SNTG1: variants seen among roughly 807,000 people sequenced by gnomAD.
SNTG1 encodes syntrophin gamma 1, also known as gamma-1-syntrophin.
In SNTG1, 39 loss-of-function variants were observed where a neutral mutation model predicts 74.7. That is an observed-to-expected ratio of 0.52 (90% CI 0.40 to 0.68). The LOEUF (loss-of-function observed/expected upper bound fraction) is 0.68. SNTG1 is among the 30% of genes least tolerant of loss of function. SNTG1 has a pLI of 0.00. For missense variants in SNTG1, 685 were observed against 609.5 expected, an observed-to-expected ratio of 1.12 and a Z score of -1.30; for synonymous variants, 254 against 217.1, an observed-to-expected ratio of 1.17 and a Z score of -1.49.
intron 2 of SNTG1, among the ~76,000 whole-genome samples, chr8:50,262,815 T>C (rs2087262957): frequency 6.6e-6 from 1 of 151,962 alleles, no homozygotes; most frequent in African/African-American, 2.4e-5. Context: ...TAAATCCAAA[T>C]TACTAAGTGA....
At chr8:50,681,165 C>A (rs905139700) in intron 15 of SNTG1, among the ~76,000 whole-genome samples, 1 of 151,736 alleles carries the variant, frequency 6.6e-6, no homozygotes. Flanking sequence ...AAATAATAAC[C>A]TATTTTGGCC....
chr8:50,258,250 G>C (rs1230074661), intron 2 of SNTG1, among the ~76,000 whole-genome samples: 1 of 152,174 alleles, frequency 6.6e-6, no homozygotes, highest in Non-Finnish European at 1.5e-5. Flanking sequence ...TGTATATTTT[G>C]AGTGTTTAAA....
intron 2 of SNTG1, among the ~76,000 whole-genome samples, chr8:50,186,193 T>C (rs1396457417): frequency 2.6e-5 from 4 of 152,146 alleles, no homozygotes; most frequent in African/African-American, 9.7e-5. Flanking sequence ...TTCTTTTTTA[T>C]GGCTGCATAG....
At chr8:50,028,761 C>T (rs879565910) in intron 1 of SNTG1, among the ~76,000 whole-genome samples, 5 of 152,112 alleles carry the variant, frequency 3.3e-5, no homozygotes, top group Admixed American at 6.6e-5. Flanking sequence ...TATAGTTTTT[C>T]TAACTTATTG....
At chr8:50,763,904 C>G (rs1334194285) in intron 18 of SNTG1, among the ~76,000 whole-genome samples, 1 of 65,504 alleles carries the variant, frequency 1.5e-5, no homozygotes, top group African/African-American at 1.0e-4. Flanking sequence ...CACACACACA[C>G]ACAAAAATAA....
At chr8:49,959,157 A>G (rs1255045694) in intron 1 of SNTG1, among the ~76,000 whole-genome samples, 1 of 152,224 alleles carries the variant, frequency 6.6e-6, no homozygotes, top group Non-Finnish European at 1.5e-5. Context: ...TCATATTGCA[A>G]GCATTTTCTG....
intron 1 of SNTG1, among the ~76,000 whole-genome samples, chr8:50,167,633 C>T (rs1461300205): frequency 1.7e-4 from 25 of 143,086 alleles, no homozygotes; most frequent in South Asian, 2.2e-4. Flanking sequence ...CTCATCGCTA[C>T]GAAAAAAAAA....
chr8:50,257,491 T>A (rs2086942443), intron 2 of SNTG1, among the ~76,000 whole-genome samples: 1 of 152,166 alleles, frequency 6.6e-6, no homozygotes, highest in Non-Finnish European at 1.5e-5. Flanking sequence ...GTAGTGTTCT[T>A]TGAACTAATT....
At chr8:50,265,299 C>T (rs577218009) in intron 2 of SNTG1, among the ~76,000 whole-genome samples, 1 of 152,000 alleles carries the variant, frequency 6.6e-6, no homozygotes, top group South Asian at 2.1e-4. Context: ...TCACATATTA[C>T]TAGAATAAAA....
At chr8:50,195,886 A>G (rs1202345035) in intron 2 of SNTG1, among the ~76,000 whole-genome samples, 1 of 152,070 alleles carries the variant, frequency 6.6e-6, no homozygotes, top group Non-Finnish European at 1.5e-5. Context: ...AAAATTCACA[A>G]TGAGAGTTTG....
intron 15 of SNTG1, among the ~76,000 whole-genome samples, chr8:50,686,778 T>C (rs1437335206): frequency 1.3e-5 from 2 of 152,166 alleles, no homozygotes; most frequent in African/African-American, 4.8e-5. Context: ...AGAAATAGAC[T>C]ATGAAATAGA....
At chr8:50,729,461 G>A (rs914788622) in intron 17 of SNTG1, among the ~76,000 whole-genome samples, 2 of 152,072 alleles carry the variant, frequency 1.3e-5, no homozygotes, top group African/African-American at 4.8e-5. Context: ...TTTCACACAG[G>A]TTCTTTCTTT....
intron 2 of SNTG1, among the ~76,000 whole-genome samples, chr8:50,221,889 GGAGA>G (rs1204482256): frequency 5.3e-5 from 8 of 152,232 alleles, no homozygotes; most frequent in Middle Eastern, 3.4e-3. Flanking sequence ...CAGCTAAATG[GGAGA>G]CCAGAGTTTT....
intron 2 of SNTG1, among the ~76,000 whole-genome samples, chr8:50,331,851 G>T (rs1319625503): frequency 1.3e-5 from 2 of 152,186 alleles, no homozygotes; most frequent in Non-Finnish European, 2.9e-5. Flanking sequence ...AGCTGAAGAT[G>T]CTATAATCTA....
At chr8:50,282,234 C>T (rs2088502497) in intron 2 of SNTG1, among the ~76,000 whole-genome samples, 1 of 152,154 alleles carries the variant, frequency 6.6e-6, no homozygotes, top group African/African-American at 2.4e-5. Flanking sequence ...TAAACTTCTC[C>T]CTCACACAGA....
At chr8:50,056,469 G>A (rs2130909305) in intron 1 of SNTG1, among the ~76,000 whole-genome samples, 1 of 152,238 alleles carries the variant, frequency 6.6e-6, no homozygotes, top group Non-Finnish European at 1.5e-5. Flanking sequence ...CAGAAAAGCT[G>A]TGGAGAAGGA....
chr8:50,684,542 A>T (rs1047428967), intron 15 of SNTG1, among the ~76,000 whole-genome samples: 2 of 152,146 alleles, frequency 1.3e-5, no homozygotes, highest in Non-Finnish European at 2.9e-5. Context: ...CAAAAAAATA[A>T]TGAAAACTGA....
intron 2 of SNTG1, among the ~76,000 whole-genome samples, chr8:50,205,227 A>G (rs984216458): frequency 1.3e-5 from 2 of 152,124 alleles, no homozygotes; most frequent in African/African-American, 4.8e-5. Context: ...CCTCTCCAGC[A>G]CCTGTTGTTT....
Position 50,777,572 on chromosome 8 carries a change from G to A in SNTG1, c.1396-15099G>A, listed in dbSNP as rs77058218. Among the ~76,000 whole-genome samples, 698 of 151,482 alleles carry A rather than the reference G, an allele frequency of 4.6e-3. 18 individuals are homozygous for A. The East Asian group carries it at 0.082, about 18-fold the overall frequency. On this transcript the variant is annotated intron_variant, in intron 18 of 18. Transcript: ENST00000642720. ...AATTGCTTATTGGAACAATTTTGTTGTGACTACTTTAAAATATTTGTCAAC... is the reference window on the plus strand; with the variant it reads ...AATTGCTTATTGGAACAATTTTGTTATGACTACTTTAAAATATTTGTCAAC...
Sources: gnomAD v4.1 joint callset for allele counts (sites outside exome capture counted in the v4.1 genomes callset) on GRCh38, gnomAD v4.1.1 for gene constraint, MANE v1.5 for transcripts, NCBI Gene and HGNC (gene_info 2026-07-23, HGNC 2026-07-21) for gene names.